The following BBS12 variants were observed in gnomAD, a reference collection of about 807,000 sequenced individuals.
BBS12 encodes the protein Bardet-Biedl syndrome 12, also known as chaperonin-containing T-complex member BBS12.
Under a neutral mutation model 5.6 loss-of-function variants are expected in BBS12, and 5 were observed. The ratio of observed to expected loss-of-function variants is 0.89; its 90% confidence interval spans 0.46 to 1.86. The LOEUF is 1.86. Ranked by LOEUF, BBS12 falls within the 40% of genes most tolerant of loss-of-function variation. The pLI is 0.01. For missense variants in BBS12, 748 were observed against 830.4 expected, an observed-to-expected ratio of 0.90 and a Z score of 1.22; for synonymous variants, 308 against 306.8, an observed-to-expected ratio of 1.00 and a Z score of -0.04.
the BBS12 span, among the ~76,000 whole-genome samples, chr4:122,719,185 C>G: frequency 6.6e-6 from 1 of 152,078 alleles, no homozygotes; most frequent in Non-Finnish European, 1.5e-5. Flanking sequence ...CAGGTGGGGA[C>G]TTGGAGAACT....
chr4:122,703,355 T>C, the BBS12 span, among the ~76,000 whole-genome samples: 4 of 152,016 alleles, frequency 2.6e-5, no homozygotes, highest in East Asian at 1.9e-4. Flanking sequence ...GAGCCAGAGG[T>C]ATATCGCCAG....
chr4:122,704,030 T>A, the BBS12 span, among the ~76,000 whole-genome samples: 17 of 152,200 alleles, frequency 1.1e-4, no homozygotes, highest in African/African-American at 4.1e-4. Flanking sequence ...TAATTGTTTT[T>A]GTAGAGACGG....
Position 122,743,596 on chromosome 4 carries a change from G to C in BBS12, c.1704G>C (p.Trp568Cys), listed in dbSNP as rs747904021. 17 of 1,614,176 alleles carry C rather than the reference G, an allele frequency of 1.1e-5. No homozygotes were observed. The highest frequency in any genetic ancestry group is 1.6e-4 in the Middle Eastern group (1 of 6,062). The change falls in exon 2 of 2, where the codon TGG (tryptophan) becomes TGC (cysteine). Residue 568 changes from tryptophan to cysteine, a missense_variant. By Grantham distance (215) the Trp-to-Cys change is radical. Coordinates refer to ENST00000314218, the MANE Select transcript of BBS12 (RefSeq NM_152618.3). ...AAGAAAACCATGCCTGCTCAGGGTG[G>C]CTGCATAATACTTCCTCTTGGCTGG... ...LKKENHACSG[W>C]LHNTSSWLAS...
chr4:122,711,177 T>G, the BBS12 span, among the ~76,000 whole-genome samples: 1 of 152,128 alleles, frequency 6.6e-6, no homozygotes, highest in Admixed American at 6.5e-5. Flanking sequence ...AACTTCTCTG[T>G]GTAGGCATGA....
Position 122,744,607 on chromosome 4 carries a change from G to C in BBS12, c.*582G>C, listed in dbSNP as rs182880657. 6.0e-6 allele frequency: 1 copy of C among 167,340 alleles called. No homozygotes were observed. Among genetic ancestry groups the C allele is most frequent in the Non-Finnish European group, 1.5e-5 (1 of 68,334 alleles). 10.4% of individuals were successfully genotyped at this position (167,340 alleles called of 1,614,324 possible). On this transcript the variant is annotated 3_prime_UTR_variant, in exon 2 of 2. Coordinates refer to ENST00000314218, the MANE Select transcript of BBS12 (RefSeq NM_152618.3). ...AGTGGATAGTCTCTTCCAACAGTCTGCTCCTCAGCCTGAGATGTTCTTGGC... is the reference window on the plus strand; with the variant it reads ...AGTGGATAGTCTCTTCCAACAGTCTCCTCCTCAGCCTGAGATGTTCTTGGC...
chr4:122,733,177 G>A, intron 1 of BBS12, among the ~76,000 whole-genome samples: 1 of 152,186 alleles, frequency 6.6e-6, no homozygotes, highest in Non-Finnish European at 1.5e-5. Context: ...GTAGACACCA[G>A]AATTCTGTAT....
At chr4:122,717,679 A>G in the BBS12 span, among the ~76,000 whole-genome samples, 6 of 152,138 alleles carry the variant, frequency 3.9e-5, no homozygotes, top group South Asian at 1.2e-3. Context: ...ACAGCTGTGC[A>G]CCACCGTGCC....
At chr4:122,738,494 G>C (rs953852932) in intron 1 of BBS12, among the ~76,000 whole-genome samples, 2 of 152,214 alleles carry the variant, frequency 1.3e-5, no homozygotes, top group African/African-American at 4.8e-5. Flanking sequence ...ACAGGCGTGA[G>C]CCACTGTGCC....
Position 122,741,953 on chromosome 4 carries a change from T to C in BBS12, c.61T>C (p.Ser21Pro), listed in dbSNP as rs186694661. 2 of 1,613,868 alleles carry C rather than the reference T, an allele frequency of 1.2e-6. No individual in the cohort carries two copies. The highest frequency in any genetic ancestry group is 1.1e-5 in the South Asian group (1 of 90,996). Residue 21 changes from serine to proline, a missense_variant, in exon 2 of 2, where the codon TCA becomes CCA. Physicochemically the swap from Ser to Pro is moderately conservative, Grantham distance 74. Coordinates refer to ENST00000314218, the MANE Select transcript of BBS12 (RefSeq NM_152618.3). The stretch of plus-strand genomic sequence containing the variant: ...ACACATGGGACTTCAACAACTTTCA[T>C]CATTCGCGGAAACAGGAAGAACTTT... Reference protein sequence around the residue: ...RRHMGLQQLSSFAETGRTFLG... With the variant: ...RRHMGLQQLSPFAETGRTFLG...
the BBS12 span, among the ~76,000 whole-genome samples, chr4:122,716,560 T>G: frequency 6.7e-6 from 1 of 149,968 alleles, no homozygotes; most frequent in Non-Finnish European, 1.5e-5. Context: ...TATACACATA[T>G]GTATATATAA....
chr4:122,716,099 C>T, the BBS12 span, among the ~76,000 whole-genome samples: 11 of 152,216 alleles, frequency 7.2e-5, no homozygotes, highest in Non-Finnish European at 1.3e-4. Context: ...AACACCCTCA[C>T]TTCCTTTTCA....
At chr4:122,738,365 C>T (rs1403477000) in intron 1 of BBS12, among the ~76,000 whole-genome samples, 2 of 152,126 alleles carry the variant, frequency 1.3e-5, no homozygotes, top group Non-Finnish European at 2.9e-5. Context: ...TGCCTGTCAC[C>T]ATGCCCGGCT....
the BBS12 span, among the ~76,000 whole-genome samples, chr4:122,727,492 CCTCAG>C: frequency 6.6e-6 from 1 of 150,866 alleles, no homozygotes; most frequent in South Asian, 2.1e-4. Context: ...AATGCGCCTG[CCTCAG>C]CTCCCAAAGT....
the BBS12 span, among the ~76,000 whole-genome samples, chr4:122,715,701 A>G: frequency 1.6e-4 from 25 of 152,312 alleles, no homozygotes; most frequent in African/African-American, 6.0e-4. Flanking sequence ...TTTATCCATG[A>G]TATACTTCCA....
upstream of BBS12, chr4:122,732,603 AG>A (rs1578483467): frequency 6.6e-6 from 1 of 152,358 alleles, no homozygotes; most frequent in African/African-American, 2.4e-5. Context: ...ACAGAAAAAA[AG>A]GCCTTTAAAC....
upstream of BBS12, chr4:122,729,565 T>A (rs1003277702): frequency 6.6e-6 from 1 of 152,258 alleles, no homozygotes; most frequent in Non-Finnish European, 1.5e-5. Context: ...GGGGAATTTT[T>A]AAAACTTCTC....
chr4:122,716,773 A>G, the BBS12 span, among the ~76,000 whole-genome samples: 3 of 151,164 alleles, frequency 2.0e-5, no homozygotes, highest in Non-Finnish European at 4.4e-5. Context: ...TGGTAATTCA[A>G]TGGCTACATT....
chr4:122,743,434 C>G lies in BBS12; in HGVS notation c.1542C>G (p.Ile514Met), dbSNP rs745341856. 1.2e-6 allele frequency: 2 copies of G among 1,614,036 alleles called. No homozygotes were observed. The highest frequency in any genetic ancestry group is 2.7e-5 in the African/African-American group (2 of 74,912). The part of the protein sequence containing the change: ...LTNPVTAQMQ[I>M]KEDRFWTCAY... ...ACCCAGTTACTGCACAGATGCAAAT[C>G]AAAGAAGATAGGTTCTGGACATGTG... Residue 514 changes from isoleucine (I) to methionine (M), a missense_variant, in exon 2 of 2, where the codon ATC becomes ATG. By Grantham distance (10) the Ile-to-Met change is conservative. Transcript: ENST00000314218.
chr4:122,705,348 T>C, the BBS12 span, among the ~76,000 whole-genome samples: 4 of 152,210 alleles, frequency 2.6e-5, no homozygotes, highest in African/African-American at 7.2e-5. Context: ...GGCTCATGCG[T>C]GTAATCCTAG....
Sources: gnomAD v4.1 joint callset for allele counts (sites outside exome capture counted in the v4.1 genomes callset) on GRCh38, gnomAD v4.1.1 for gene constraint, MANE v1.5 for transcripts, NCBI Gene and HGNC (gene_info 2026-07-23, HGNC 2026-07-21) for gene names.